The following INVS variants were observed in gnomAD, a reference collection of about 807,000 sequenced individuals.
INVS encodes inversion of embryo turning homolog.
Under a neutral mutation model 108.8 loss-of-function variants are expected in INVS, and 86 were observed. That is an observed-to-expected ratio of 0.79 (90% CI 0.66 to 0.95). The LOEUF (loss-of-function observed/expected upper bound fraction) is 0.95. Among genes scored for constraint, INVS ranks in the 40% least tolerant of loss-of-function variants. The pLI is 0.00. For missense variants in INVS, 1,169 were observed against 1,297.4 expected (o/e 0.90, Z 1.52); for synonymous variants, 455 against 473.5 (o/e 0.96, Z 0.51).
At chr9:100,124,133 C>G (rs758762702) in intron 2 of INVS, among the ~76,000 whole-genome samples, 1 of 151,016 alleles carries the variant, frequency 6.6e-6, no homozygotes, top group Admixed American at 6.6e-5. Context: ...AAATAAATCT[C>G]TTTGTATAGT....
Position 100,302,081 on chromosome 9 carries a change from A to C in INVS, c.*1407A>C, listed in dbSNP as rs1157199174. On this transcript the variant is annotated 3_prime_UTR_variant, in exon 17 of 17. Coordinates refer to ENST00000262457, the MANE Select transcript of INVS (RefSeq NM_014425.5). ...TCAGTGCAAAGAAAGAAGGTTCGTAAACTTCTTTAAAAGTTCAGCTTTAAT... is the reference window on the plus strand; with the variant it reads ...TCAGTGCAAAGAAAGAAGGTTCGTACACTTCTTTAAAAGTTCAGCTTTAAT... 3 of 639,868 alleles carry C rather than the reference A, an allele frequency of 4.7e-6. No individual in the cohort carries two copies. The highest frequency in any genetic ancestry group is 3.0e-5 in the Admixed American group (1 of 33,346). The allele number at this position is 639,868 out of a possible 1,614,324, so 39.6% of individuals were successfully genotyped here. A position where few individuals can be genotyped will look rare whatever the true frequency, so the allele number is the denominator to read the frequency against.
chr9:100,292,852 T>A lies in INVS; in HGVS notation c.2595T>A (p.Ser865=). The part of the protein sequence containing the change: ...LRSGARRLET[S]TLSEDFQVSK... Reference sequence around the variant, plus strand: ...CAGGAGCTAGGAGGCTGGAGACATCTACCCTGTCCGAGGACTTTCAGGTAT... The same window carrying A: ...CAGGAGCTAGGAGGCTGGAGACATCAACCCTGTCCGAGGACTTTCAGGTAT... Residue 865 remains serine, a synonymous_variant, in exon 14 of 17, where the codon TCT becomes TCA. Coordinates refer to ENST00000262457, the MANE Select transcript of INVS (RefSeq NM_014425.5). 6.2e-7 allele frequency: 1 copy of A among 1,614,202 alleles called. No individual in the cohort carries two copies. Among genetic ancestry groups the A allele is most frequent in the Non-Finnish European group, 8.5e-7 (1 of 1,180,036 alleles).
At chr9:100,131,940 G>A in intron 3 of INVS, 1 of 974,220 alleles carries the variant, frequency 1.0e-6, no homozygotes, top group Non-Finnish European at 1.2e-6. Context: ...AACTTTTCAG[G>A]AACACTTATA....
intron 10 of INVS, among the ~76,000 whole-genome samples, chr9:100,263,145 A>G (rs1254481985): frequency 6.6e-6 from 1 of 152,076 alleles, no homozygotes; most frequent in East Asian, 1.9e-4. Flanking sequence ...ATTTTGGTTT[A>G]TTCTCTGACA....
intron 2 of INVS, among the ~76,000 whole-genome samples, chr9:100,120,144 G>T (rs961901115): frequency 6.6e-5 from 10 of 152,288 alleles, no homozygotes; most frequent in East Asian, 5.8e-4. Context: ...GGTGGCTTAT[G>T]CCTGTAATCC....
chr9:100,253,269 A>G, intron 10 of INVS, 133 bp downstream of exon 10: 1 of 695,286 alleles, frequency 1.4e-6, no homozygotes, highest in South Asian at 1.6e-5. Flanking sequence ...AATCATGACT[A>G]TTATTTGTCC....
intron 13 of INVS, among the ~76,000 whole-genome samples, chr9:100,288,686 G>A (rs1833520825): frequency 1.3e-5 from 2 of 151,518 alleles, no homozygotes; most frequent in Non-Finnish European, 2.9e-5. Flanking sequence ...AGTGGTTCAA[G>A]CACAGCTCAC....
intron 2 of INVS, among the ~76,000 whole-genome samples, chr9:100,122,553 G>A (rs1827754226): frequency 1.3e-5 from 1 of 74,482 alleles, no homozygotes; most frequent in Admixed American, 1.3e-4. Context: ...AACCTCCTAT[G>A]TTATTGTATT....
chr9:100,264,516 G>A (rs1832723248), intron 10 of INVS, among the ~76,000 whole-genome samples: 1 of 151,946 alleles, frequency 6.6e-6, no homozygotes, highest in Non-Finnish European at 1.5e-5. Context: ...TACTTGGGAG[G>A]CTGAGGCAGG....
intron 3 of INVS, among the ~76,000 whole-genome samples, chr9:100,210,546 C>T (rs1830802148): frequency 6.6e-6 from 1 of 152,218 alleles, no homozygotes; most frequent in South Asian, 2.1e-4. Context: ...TCTGTTCTAA[C>T]CCCTTCCCCT....
At chr9:100,188,913 A>G (rs1038478197) in intron 3 of INVS, among the ~76,000 whole-genome samples, 2 of 151,702 alleles carry the variant, frequency 1.3e-5, no homozygotes, top group Non-Finnish European at 2.9e-5. Flanking sequence ...TTTCTTCCTA[A>G]TTGAAGATGG....
intron 3 of INVS, among the ~76,000 whole-genome samples, chr9:100,188,320 A>G (rs974050457): frequency 2.6e-5 from 4 of 152,172 alleles, no homozygotes; most frequent in African/African-American, 9.7e-5. Flanking sequence ...GGTTTGTCAT[A>G]TGTGGCTTCC....
chr9:100,127,737 C>T (rs1032246952), intron 3 of INVS, among the ~76,000 whole-genome samples: 2 of 152,070 alleles, frequency 1.3e-5, no homozygotes, highest in African/African-American at 4.8e-5. Context: ...TCAGTTAGGT[C>T]TGTCAGGTTA....
intron 3 of INVS, among the ~76,000 whole-genome samples, chr9:100,127,552 G>A (rs953396895): frequency 6.6e-6 from 1 of 152,028 alleles, no homozygotes; most frequent in Admixed American, 6.6e-5. Context: ...TGAATAAAAA[G>A]CAATTAAAAT....
At chr9:100,228,667 AGATTC>A (rs773999028) in intron 4 of INVS, among the ~76,000 whole-genome samples, 64 of 152,292 alleles carry the variant, frequency 4.2e-4, no homozygotes, top group Middle Eastern at 3.4e-3. Flanking sequence ...CTAAGAGGTC[AGATTC>A]TGGAGTCAGA....
chr9:100,217,288 G>A (rs771279222), intron 3 of INVS, among the ~76,000 whole-genome samples: 3 of 152,060 alleles, frequency 2.0e-5, no homozygotes, highest in African/African-American at 4.8e-5. Context: ...CAGCCTGGGC[G>A]ACAGAGTGAG....
intron 11 of INVS, among the ~76,000 whole-genome samples, chr9:100,265,625 A>G (rs187572638): frequency 1.1e-4 from 17 of 152,244 alleles, no homozygotes; most frequent in African/African-American, 3.6e-4. Context: ...AGAGGATATT[A>G]TCAGTCAGTA....
At chr9:100,243,865 GC>G (rs1331058251) in intron 7 of INVS, among the ~76,000 whole-genome samples, 20 of 152,156 alleles carry the variant, frequency 1.3e-4, no homozygotes, top group Admixed American at 1.1e-3. Flanking sequence ...ACAAAAATTA[GC>G]CGGGCGAAGT....
chr9:100,194,526 C>T (rs1316320703), intron 3 of INVS, among the ~76,000 whole-genome samples: 1 of 151,420 alleles, frequency 6.6e-6, no homozygotes, highest in Non-Finnish European at 1.5e-5. Context: ...AATCTTTATG[C>T]CCTTCTTTCC....
Sources: allele counts gnomAD v4.1 joint callset (sites outside exome capture counted in the v4.1 genomes callset), GRCh38; gene constraint gnomAD v4.1.1; transcripts MANE v1.5; gene names NCBI Gene and HGNC (gene_info 2026-07-23, HGNC 2026-07-21).